Variants in ALG14 observed in about 807,000 individuals in gnomAD.
ALG14 encodes UDP-N-acetylglucosamine transferase subunit ALG14.
Under a neutral mutation model 22.8 loss-of-function variants are expected in ALG14, and 17 were observed. The observed-to-expected ratio is 0.75, with a 90% CI of 0.51 to 1.12. The LOEUF (loss-of-function observed/expected upper bound fraction) is 1.12. Among genes scored for constraint, ALG14 ranks in the 50% most tolerant of loss-of-function variants. ALG14 has a pLI of 0.00. For missense variants in ALG14, 288 were observed against 271.8 expected, an observed-to-expected ratio of 1.06 and a Z score of -0.42; for synonymous variants, 89 against 103.7, an observed-to-expected ratio of 0.86 and a Z score of 0.86.
chr1:95,049,221 GATAA>G (rs1674664160), intron 2 of ALG14, among the ~76,000 whole-genome samples: 1 of 152,014 alleles, frequency 6.6e-6, no homozygotes, highest in African/African-American at 2.4e-5. Flanking sequence ...ATTACAAAAA[GATAA>G]ATAAATAAAC....
rs1672534511 is a variant in ALG14 at position 94,982,990 on chromosome 1, C to A, written c.*86G>T. 10 of 1,160,724 alleles carry A rather than the reference C, an allele frequency of 8.6e-6. No homozygotes were observed. Among genetic ancestry groups the A allele is most frequent in the Non-Finnish European group, 1.3e-5 (10 of 791,572 alleles). 71.9% of individuals were successfully genotyped at this position (1,160,724 alleles called of 1,614,324 possible). ...TTCTCAGGACTGTCAGACGCCTTTA[C>A]AAGAAACATGTAGGGTTTTTTTCCC... is the stretch of plus-strand genomic sequence containing the variant. On this transcript the variant is annotated 3_prime_UTR_variant, in exon 4 of 4. Coordinates refer to ENST00000370205, the MANE Select transcript of ALG14 (RefSeq NM_144988.4).
chr1:94,994,123 T>C (rs1403389946), intron 3 of ALG14, among the ~76,000 whole-genome samples: 1 of 152,260 alleles, frequency 6.6e-6, no homozygotes, highest in Non-Finnish European at 1.5e-5. Flanking sequence ...CAGATCTTTA[T>C]CAGGCTAACC....
At chr1:95,056,381 A>C (rs1307310540) in intron 2 of ALG14, among the ~76,000 whole-genome samples, 1 of 152,244 alleles carries the variant, frequency 6.6e-6, no homozygotes, top group South Asian at 2.1e-4. Flanking sequence ...ACGGTGGCTC[A>C]TGTTTATAAT....
intron 2 of ALG14, among the ~76,000 whole-genome samples, chr1:95,056,542 G>A (rs988687394): frequency 4.3e-4 from 66 of 152,234 alleles, no homozygotes; most frequent in African/African-American, 1.6e-3. Context: ...TGACTTGGAA[G>A]GCTGAGGTGG....
Position 95,064,906 on chromosome 1 carries a change from GAATTT to G in ALG14, c.243_247del (p.Asn82PhefsTer2). On this transcript the variant is annotated frameshift_variant, in exon 2 of 4. Transcript: ENST00000370205. LOFTEE classifies it high-confidence loss of function. ...TCTATCAGCTCGATCTAGTTCAAAA[GAATTT>G]ATTTTATTGGCACTCATTTCATCAG... is the stretch of plus-strand genomic sequence containing the variant. 1 of 1,613,868 alleles carries G rather than the reference GAATTT, an allele frequency of 6.2e-7. No homozygotes were observed. Among genetic ancestry groups the G allele is most frequent in the African/African-American group, 1.3e-5 (1 of 75,004 alleles).
chr1:95,044,767 G>A (rs1674491538), intron 2 of ALG14, among the ~76,000 whole-genome samples: 1 of 152,074 alleles, frequency 6.6e-6, no homozygotes, highest in Non-Finnish European at 1.5e-5. Flanking sequence ...TGAGCTCCAT[G>A]ATGGCAGACA....
intron 3 of ALG14, among the ~76,000 whole-genome samples, chr1:94,988,983 G>A (rs1330697265): frequency 2.6e-5 from 4 of 152,078 alleles, no homozygotes; most frequent in African/African-American, 4.8e-5. Flanking sequence ...AATTGTGAGA[G>A]CTTATACATA....
chr1:95,044,941 CTTTG>C (rs1674498753), intron 2 of ALG14, among the ~76,000 whole-genome samples: 1 of 151,920 alleles, frequency 6.6e-6, no homozygotes, highest in African/African-American at 2.4e-5. Context: ...AACTGAAAAT[CTTTG>C]TTAAGTTTTT....
intron 2 of ALG14, among the ~76,000 whole-genome samples, chr1:95,060,775 T>C (rs115788712): frequency 0.011 from 1,625 of 152,180 alleles, 25 homozygotes; most frequent in African/African-American, 0.038. Flanking sequence ...GTTAAGACTA[T>C]TAATGTGAAG....
At position 95,065,133 on chromosome 1, in the gene ALG14, A is replaced by G. The variant is rs942762121; in HGVS notation, c.137-116T>C. ...GGGGGTGGGGGGGCACTGTAATTGT[A>G]TATTTCTCAGAAGACACAAGGAACA... On this transcript the variant is annotated intron_variant, in intron 1 of 3. Coordinates refer to ENST00000370205, the MANE Select transcript of ALG14 (RefSeq NM_144988.4). 3.6e-6 allele frequency: 3 copies of G among 844,528 alleles called. No homozygotes were observed. In the Admixed American group the frequency reaches 9.1e-5, roughly 26 times the overall value. 52.3% of individuals were successfully genotyped at this position (844,528 alleles called of 1,614,324 possible). A position where few individuals can be genotyped will look rare whatever the true frequency, so the allele number is the denominator to read the frequency against.
In ALG14 at chr1:94,976,762, C is replaced by T. The variant is rs1373273659; in HGVS notation, c.*6314G>A. 6 of 152,006 alleles carry T rather than the reference C, an allele frequency of 3.9e-5. No individual in the cohort carries two copies. The highest frequency in any genetic ancestry group is 1.2e-4 in the African/African-American group (5 of 41,384). The allele number at this position is 152,006 out of a possible 1,614,324, so 9.4% of individuals were successfully genotyped here. On this transcript the variant is annotated 3_prime_UTR_variant, in exon 4 of 4. Coordinates refer to ENST00000370205, the MANE Select transcript of ALG14 (RefSeq NM_144988.4). ...TACATGCCCTGGATAATCTACTATC[C>T]GTTAGTATGGGTGGGATCTGTGAAT... is the stretch of plus-strand genomic sequence containing the variant.
intron 3 of ALG14, among the ~76,000 whole-genome samples, chr1:95,010,261 T>G (rs1013797481): frequency 2.0e-5 from 3 of 152,226 alleles, no homozygotes; most frequent in Non-Finnish European, 2.9e-5. Context: ...TTATAGCTTC[T>G]CAAATAATTT....
chr1:95,050,475 T>C (rs764039213), intron 2 of ALG14, among the ~76,000 whole-genome samples: 2 of 152,194 alleles, frequency 1.3e-5, no homozygotes, highest in Non-Finnish European at 2.9e-5. Context: ...TTGGTTCTGA[T>C]AGAATAGCAA....
chr1:94,993,758 G>A (rs1023885255), intron 3 of ALG14, among the ~76,000 whole-genome samples: 15 of 152,186 alleles, frequency 9.9e-5, no homozygotes, highest in African/African-American at 2.9e-4. Context: ...CTACTTGCGA[G>A]CATGCTGATT....
chr1:95,032,622 C>G (rs896403964), intron 2 of ALG14, among the ~76,000 whole-genome samples: 3 of 152,138 alleles, frequency 2.0e-5, no homozygotes, highest in Non-Finnish European at 4.4e-5. Context: ...GGAAAGGAGC[C>G]TGCCAATTAG....
At chr1:95,046,729 A>G (rs1164635059) in intron 2 of ALG14, among the ~76,000 whole-genome samples, 1 of 152,272 alleles carries the variant, frequency 6.6e-6, no homozygotes, top group Non-Finnish European at 1.5e-5. Context: ...AGAATAAAAT[A>G]ATACTACAGC....
intron 3 of ALG14, among the ~76,000 whole-genome samples, chr1:95,012,529 C>T (rs961321534): frequency 6.6e-6 from 1 of 152,230 alleles, no homozygotes; most frequent in Non-Finnish European, 1.5e-5. Context: ...TCATTCTTCA[C>T]ATCTGCTACT....
At chr1:95,013,823 A>G (rs1039358032) in intron 3 of ALG14, among the ~76,000 whole-genome samples, 3 of 151,984 alleles carry the variant, frequency 2.0e-5, no homozygotes, top group African/African-American at 7.3e-5. Context: ...TCCAGCTTGG[A>G]TATTTTACTG....
intron 2 of ALG14, among the ~76,000 whole-genome samples, chr1:95,056,323 AT>A (rs1674932729): frequency 6.6e-6 from 1 of 152,210 alleles, no homozygotes; most frequent in Non-Finnish European, 1.5e-5. Context: ...AAAGAAATCA[AT>A]TCCAGATGAA....
Sources: gnomAD v4.1 joint callset for allele counts (sites outside exome capture counted in the v4.1 genomes callset) on GRCh38, gnomAD v4.1.1 for gene constraint, MANE v1.5 for transcripts, NCBI Gene and HGNC (gene_info 2026-07-23, HGNC 2026-07-21) for gene names.